The following TMEM207 variants were observed in gnomAD, a reference collection of about 807,000 sequenced individuals.
TMEM207 encodes transmembrane protein 207.
Under a neutral mutation model 17.4 loss-of-function variants are expected in TMEM207, and 15 were observed. That is an observed-to-expected ratio of 0.86 (90% confidence interval 0.58 to 1.33). The LOEUF is 1.33. TMEM207 is among the 40% of genes most tolerant of loss of function. The pLI is 0.00. For missense variants in TMEM207, 205 were observed against 173.8 expected, an observed-to-expected ratio of 1.18 and a Z score of -1.01; for synonymous variants, 70 against 65.6, an observed-to-expected ratio of 1.07 and a Z score of -0.33.
At chr3:190,443,145 C>CTTTTTTTTT (rs201791052) in intron 2 of TMEM207, among the ~76,000 whole-genome samples, 2 of 140,334 alleles carry the variant, frequency 1.4e-5, no homozygotes, top group Non-Finnish European at 1.6e-5. Flanking sequence ...ATTAAAAAAG[C>CTTTTTTTTT]TTTTTTTTTT....
At chr3:190,447,663 A>T in intron 2 of TMEM207, 127 bp downstream of exon 2, 2 of 811,740 alleles carry the variant, frequency 2.5e-6, no homozygotes, top group Non-Finnish European at 3.7e-6. Flanking sequence ...CAAACCATTT[A>T]CTTTTCTTCT....
intron 4 of TMEM207, among the ~76,000 whole-genome samples, chr3:190,439,736 A>C (rs1164399441): frequency 6.6e-6 from 1 of 152,218 alleles, no homozygotes; most frequent in African/African-American, 2.4e-5. Context: ...CGCTGAGATG[A>C]AAGGGCATGA....
At chr3:190,439,030 A>G in intron 4 of TMEM207, among the ~76,000 whole-genome samples, 1 of 151,874 alleles carries the variant, frequency 6.6e-6, no homozygotes, top group East Asian at 1.9e-4. Flanking sequence ...ACAAAAAATT[A>G]GCCGGGCGTG....
At position 190,439,139 on chromosome 3, in the gene TMEM207, G is replaced by A. The variant is rs1205420779; in HGVS notation, c.304+1105C>T. 5.8e-5 allele frequency among the ~76,000 whole-genome samples: 8 copies of A among 137,190 alleles called. No individual in the cohort carries two copies. The East Asian group carries it at 1.6e-3, about 27-fold the overall frequency. 90.0% of individuals were successfully genotyped at this position (137,190 alleles called of 152,430 possible). On this transcript the variant is annotated intron_variant, in intron 4 of 4. Transcript: ENST00000354905. The stretch of plus-strand genomic sequence containing the variant: ...TTGCAGTGAGCGGAGATCGCGCCAC[G>A]GCACTCCCGCCTGGGCGACAGAGCG...
intron 1 of TMEM207, among the ~76,000 whole-genome samples, chr3:190,448,725 T>G (rs1281598807): frequency 6.6e-6 from 1 of 152,148 alleles, no homozygotes; most frequent in Non-Finnish European, 1.5e-5. Context: ...AAATTTAAAG[T>G]GATAGACTTG....
At chr3:190,445,274 GTTCA>G (rs1166856980) in intron 2 of TMEM207, among the ~76,000 whole-genome samples, 1 of 152,050 alleles carries the variant, frequency 6.6e-6, no homozygotes, top group Non-Finnish European at 1.5e-5. Context: ...ATCTATTTTT[GTTCA>G]TTCATGCACA....
rs1373528622 is a variant in TMEM207, at chr3:190,429,429, T to C, written c.*166A>G. 4.3e-6 allele frequency: 4 copies of C among 930,098 alleles called. No homozygotes were observed. The highest frequency in any genetic ancestry group is 3.4e-5 in the African/African-American group (2 of 58,518). 57.6% of individuals were successfully genotyped at this position (930,098 alleles called of 1,614,324 possible). Reference sequence around the variant, plus strand: ...CTACTTTACTATTTAAACATCTCCATGACCAAAATTTTTTCCAACATCCAT... The same window carrying C: ...CTACTTTACTATTTAAACATCTCCACGACCAAAATTTTTTCCAACATCCAT... On this transcript the variant is annotated 3_prime_UTR_variant, in exon 5 of 5. Coordinates refer to ENST00000354905, the MANE Select transcript of TMEM207 (RefSeq NM_207316.3).
At chr3:190,433,485 T>C (rs951292493) in intron 4 of TMEM207, among the ~76,000 whole-genome samples, 8 of 152,222 alleles carry the variant, frequency 5.3e-5, no homozygotes, top group Admixed American at 1.3e-4. Flanking sequence ...ATATTTATTT[T>C]ACCCTATCAT....
At position 190,428,665 on chromosome 3, in the gene TMEM207, C is replaced by T. The variant is rs138258387; in HGVS notation, c.*930G>A. On this transcript the variant is annotated 3_prime_UTR_variant, in exon 5 of 5. Coordinates refer to ENST00000354905, the MANE Select transcript of TMEM207 (RefSeq NM_207316.3). ...TTTGGTCAAACTAAATTTTAGATAT[C>T]TATTGATGTTTATTGTTTTGTTCAA... The T allele has an allele frequency of 1.4e-4, 21 of 152,236 alleles. No individual in the cohort carries two copies. In the East Asian group the frequency reaches 3.9e-3, roughly 28 times the overall value. The allele number at this position is 152,236 out of a possible 1,614,324, so 9.4% of individuals were successfully genotyped here. A position where few individuals can be genotyped will look rare whatever the true frequency, so the allele number is the denominator to read the frequency against.
chr3:190,440,462 A>G, intron 3 of TMEM207, 73 bp from the exon 4 acceptor site: 5 of 1,422,726 alleles, frequency 3.5e-6, no homozygotes, highest in Admixed American at 2.5e-5. Context: ...ATCACTACCT[A>G]GAAGTGGGGT....
intron 4 of TMEM207, among the ~76,000 whole-genome samples, chr3:190,439,049 C>A (rs562051595): frequency 6.6e-6 from 1 of 151,732 alleles, no homozygotes; most frequent in Non-Finnish European, 1.5e-5. Flanking sequence ...TGGTGGCGGG[C>A]GCCTGTAGTC....
At chr3:190,448,118 G>T (rs1271286823) in intron 1 of TMEM207, among the ~76,000 whole-genome samples, 1 of 151,946 alleles carries the variant, frequency 6.6e-6, no homozygotes, top group African/African-American at 2.4e-5. Context: ...TGCAGATTTT[G>T]CTTGCTCTAA....
At chr3:190,443,918 G>T (rs1455166469) in intron 2 of TMEM207, among the ~76,000 whole-genome samples, 1 of 152,128 alleles carries the variant, frequency 6.6e-6, no homozygotes, top group Non-Finnish European at 1.5e-5. Context: ...GAATTATCTA[G>T]AATTAATTGT....
At chr3:190,449,364 C>T (rs1415092212) in intron 1 of TMEM207, among the ~76,000 whole-genome samples, 1 of 152,176 alleles carries the variant, frequency 6.6e-6, no homozygotes, top group Non-Finnish European at 1.5e-5. Flanking sequence ...TGTCAAGCAT[C>T]AAGTATGGTT....
chr3:190,441,482 C>T lies in TMEM207; in HGVS notation c.114G>A (p.Met38Ile). The T allele has an allele frequency of 4.3e-6, 7 of 1,610,994 alleles. No homozygotes were observed. Among genetic ancestry groups the T allele is most frequent in the Non-Finnish European group, 5.9e-6 (7 of 1,178,350 alleles). ...GGTGTTGGTCATTATAATTTACACA[C>T]CTGGTGATAAAGGGAGAGCGTTAGT... ...LSDLPCEEDE[M>I]CVNYNDQHPN... The change falls in exon 3 of 5, where the codon ATG (methionine) becomes ATA (isoleucine). Residue 38 changes from methionine (M) to isoleucine (I), a missense_variant and splice_region_variant. Coordinates refer to ENST00000354905, the MANE Select transcript of TMEM207 (RefSeq NM_207316.3).
At chr3:190,444,847 A>G (rs1720010461) in intron 2 of TMEM207, among the ~76,000 whole-genome samples, 1 of 152,178 alleles carries the variant, frequency 6.6e-6, no homozygotes, top group Non-Finnish European at 1.5e-5. Flanking sequence ...TCAGTAACAA[A>G]TTGCATGAAT....
At chr3:190,433,971 T>A (rs1005786573) in intron 4 of TMEM207, among the ~76,000 whole-genome samples, 7 of 152,254 alleles carry the variant, frequency 4.6e-5, no homozygotes, top group African/African-American at 1.4e-4. Flanking sequence ...GCTTGCTCCC[T>A]CTTTGCCTTC....
At chr3:190,442,746 T>C (rs930286015) in intron 2 of TMEM207, among the ~76,000 whole-genome samples, 2 of 152,030 alleles carry the variant, frequency 1.3e-5, no homozygotes, top group Non-Finnish European at 2.9e-5. Context: ...GAATAAAAGA[T>C]GTGAAAAATA....
At chr3:190,444,429 A>G in intron 2 of TMEM207, 2 of 985,120 alleles carry the variant, frequency 2.0e-6, no homozygotes, top group Non-Finnish European at 2.4e-6. Context: ...CTCTAACCTC[A>G]TAGTACCATG....
Sources: gnomAD v4.1 joint callset for allele counts (sites outside exome capture counted in the v4.1 genomes callset) on GRCh38, gnomAD v4.1.1 for gene constraint, MANE v1.5 for transcripts, NCBI Gene and HGNC (gene_info 2026-07-23, HGNC 2026-07-21) for gene names.